ZDHHC2: variants seen among roughly 807,000 people sequenced by gnomAD.
ZDHHC2 encodes the protein palmitoyltransferase ZDHHC2.
ZDHHC2 carries 51 observed loss-of-function variants against 55.6 expected under a neutral mutation model. The ratio of observed to expected loss-of-function variants is 0.92; its 90% CI spans 0.73 to 1.16. ZDHHC2 has a LOEUF of 1.16. ZDHHC2 is among the 50% of genes most tolerant of loss of function. ZDHHC2 has a pLI of 0.00. For missense variants in ZDHHC2, 491 were observed against 442.4 expected (o/e 1.11, Z -0.99); for synonymous variants, 199 against 152.9 (o/e 1.30, Z -2.22).
At chr8:17,168,850 G>A (rs1046879051) in intron 1 of ZDHHC2, among the ~76,000 whole-genome samples, 3 of 152,100 alleles carry the variant, frequency 2.0e-5, no homozygotes, top group Admixed American at 2.0e-4. Context: ...CACCTGTGTT[G>A]TAGTATGTGT....
chr8:17,157,341 A>T (rs1297144460), intron 1 of ZDHHC2: 1 of 153,210 alleles, frequency 6.5e-6, no homozygotes, highest in African/African-American at 2.4e-5. Flanking sequence ...GACAGCGCTC[A>T]GGGGCGTTTT....
At position 17,224,273 on chromosome 8, in the gene ZDHHC2, ATC is replaced by A. The variant is rs1808035035; in HGVS notation, c.*4054_*4055del. 1 of 151,674 alleles carries A rather than the reference ATC, an allele frequency of 6.6e-6. No individual in the cohort carries two copies. Among genetic ancestry groups the A allele is most frequent in the African/African-American group, 2.4e-5 (1 of 41,384 alleles). The allele number at this position is 151,674 out of a possible 1,614,324, so 9.4% of individuals were successfully genotyped here. A position where few individuals can be genotyped will look rare whatever the true frequency, so the allele number is the denominator to read the frequency against. ...ACTGGTGAAAAATGTTCAAAAATAG[ATC>A]TTTTTGATGTTCATAGCCAGTATTC... On this transcript the variant is annotated 3_prime_UTR_variant, in exon 13 of 13. Transcript: ENST00000262096.
chr8:17,168,267 T>C (rs1438459600), intron 1 of ZDHHC2, among the ~76,000 whole-genome samples: 1 of 152,216 alleles, frequency 6.6e-6, no homozygotes, highest in Non-Finnish European at 1.5e-5. Flanking sequence ...CCGCTTAGCA[T>C]GCGGAAATGC....
In ZDHHC2 at chr8:17,176,467, C is replaced by T. The variant is rs544682504; in HGVS notation, c.131-8322C>T. Reference sequence around the variant, plus strand: ...TCTTCAAAAGTCAAGATTTTTTCACCGAGAATACATCACGGTAGGATTTAA... The same window carrying T: ...TCTTCAAAAGTCAAGATTTTTTCACTGAGAATACATCACGGTAGGATTTAA... On this transcript the variant is annotated intron_variant, in intron 1 of 12. Coordinates refer to ENST00000262096, the MANE Select transcript of ZDHHC2 (RefSeq NM_016353.5). Among the ~76,000 whole-genome samples, 16 of 151,674 alleles carry T rather than the reference C, an allele frequency of 1.1e-4. No homozygotes were observed. In the East Asian group the frequency reaches 2.5e-3, roughly 24 times the overall value.
At chr8:17,201,907 T>G (rs1345054416) in intron 6 of ZDHHC2, among the ~76,000 whole-genome samples, 1 of 152,206 alleles carries the variant, frequency 6.6e-6, no homozygotes, top group Non-Finnish European at 1.5e-5. Flanking sequence ...TGTCAGTGAT[T>G]TCTCAATCTC....
At chr8:17,169,882 C>T (rs1290607468) in intron 1 of ZDHHC2, among the ~76,000 whole-genome samples, 2 of 152,002 alleles carry the variant, frequency 1.3e-5, no homozygotes, top group Non-Finnish European at 2.9e-5. Context: ...TTCTCACTTA[C>T]ATTAATGAAT....
chr8:17,177,886 G>A (rs1318601775), intron 1 of ZDHHC2, among the ~76,000 whole-genome samples: 1 of 151,888 alleles, frequency 6.6e-6, no homozygotes, highest in African/African-American at 2.4e-5. Context: ...GAGCAATAAA[G>A]GTAAATTATT....
At chr8:17,199,506 T>TTCG (rs1256708051) in intron 6 of ZDHHC2, among the ~76,000 whole-genome samples, 1 of 42,724 alleles carries the variant, frequency 2.3e-5, no homozygotes, top group Non-Finnish European at 5.7e-5. Context: ...CTTCTTCTTC[T>TTCG]TCTTCTTCGT....
At chr8:17,210,725 G>C (rs775226985) in intron 10 of ZDHHC2, among the ~76,000 whole-genome samples, 1 of 152,002 alleles carries the variant, frequency 6.6e-6, no homozygotes, top group Non-Finnish European at 1.5e-5. Flanking sequence ...ATACATTTTG[G>C]TTGACTGAAA....
At chr8:17,161,760 A>G (rs1339011235) in intron 1 of ZDHHC2, among the ~76,000 whole-genome samples, 2 of 152,158 alleles carry the variant, frequency 1.3e-5, no homozygotes, top group East Asian at 3.9e-4. Context: ...TCGGGAGGCT[A>G]AGGCAGAAGA....
intron 1 of ZDHHC2, among the ~76,000 whole-genome samples, chr8:17,161,795 G>C (rs1230458411): frequency 6.6e-6 from 1 of 151,444 alleles, no homozygotes; most frequent in African/African-American, 2.4e-5. Context: ...GGGAGGCAGA[G>C]GCTGCAGTGA....
At chr8:17,205,624 C>G in intron 6 of ZDHHC2, 31 bp from the exon 7 acceptor site, 1 of 1,572,842 alleles carries the variant, frequency 6.4e-7, no homozygotes, top group Non-Finnish European at 8.6e-7. Flanking sequence ...AGATGTAAAA[C>G]TCACTGGAAA....
intron 12 of ZDHHC2, among the ~76,000 whole-genome samples, chr8:17,218,200 A>G (rs965068079): frequency 5.9e-5 from 9 of 152,322 alleles, no homozygotes; most frequent in Admixed American, 4.6e-4. Context: ...ACTGACTATA[A>G]CTGGTTAAAA....
rs532383401 is a variant in ZDHHC2, at chr8:17,212,911, G to A, written c.951-2326G>A. Among the ~76,000 whole-genome samples the A allele has an allele frequency of 2.0e-4, 30 of 151,980 alleles. No individual in the cohort carries two copies. In the East Asian group the frequency reaches 4.7e-3, roughly 24 times the overall value. ...CCATTAACAGCCCGTTGCCCAGGCC[G>A]GAGTGCAGTTTTGTGATCATAGCTC... is the stretch of plus-strand genomic sequence containing the variant. On this transcript the variant is annotated intron_variant, in intron 10 of 12. Coordinates refer to ENST00000262096, the MANE Select transcript of ZDHHC2 (RefSeq NM_016353.5).
chr8:17,169,584 A>G (rs1463364660), intron 1 of ZDHHC2, among the ~76,000 whole-genome samples: 3 of 152,202 alleles, frequency 2.0e-5, no homozygotes, highest in Non-Finnish European at 4.4e-5. Flanking sequence ...CCGTGAATGC[A>G]TCGTGAATAC....
At chr8:17,207,522 T>C (rs1807162587) in intron 7 of ZDHHC2, among the ~76,000 whole-genome samples, 1 of 152,192 alleles carries the variant, frequency 6.6e-6, no homozygotes, top group Non-Finnish European at 1.5e-5. Flanking sequence ...TCAATAAGGA[T>C]AGTAGCCAAA....
intron 1 of ZDHHC2, among the ~76,000 whole-genome samples, chr8:17,167,353 T>A (rs1009796961): frequency 3.4e-5 from 5 of 146,140 alleles, no homozygotes; most frequent in African/African-American, 5.1e-5. Flanking sequence ...TCAGCCAGGC[T>A]GAAGTGCGAT....
At chr8:17,176,697 A>G (rs896524347) in intron 1 of ZDHHC2, among the ~76,000 whole-genome samples, 3 of 152,196 alleles carry the variant, frequency 2.0e-5, no homozygotes, top group African/African-American at 7.2e-5. Flanking sequence ...TTAAGACACA[A>G]GAAAGCCCAG....
intron 1 of ZDHHC2, among the ~76,000 whole-genome samples, chr8:17,168,531 G>A (rs936589839): frequency 6.6e-6 from 1 of 152,024 alleles, no homozygotes; most frequent in Non-Finnish European, 1.5e-5. Context: ...CCATTTTTAA[G>A]TATACAGATT....
Sources: gnomAD v4.1 joint callset for allele counts (sites outside exome capture counted in the v4.1 genomes callset) on GRCh38, gnomAD v4.1.1 for gene constraint, MANE v1.5 for transcripts, NCBI Gene and HGNC (gene_info 2026-07-23, HGNC 2026-07-21) for gene names.